Variants in ARID5B observed in about 807,000 individuals in gnomAD.
The protein encoded by ARID5B is AT-rich interaction domain 5B, also known as AT-rich interactive domain-containing protein 5B.
A neutral mutation model predicts 97.2 loss-of-function variants in ARID5B; 13 were observed. The ratio of observed to expected loss-of-function variants is 0.13; its 90% CI spans 0.09 to 0.21. ARID5B has a LOEUF of 0.21. Ranked by LOEUF, ARID5B falls within the 10% of genes least tolerant of loss-of-function variation. ARID5B has a pLI of 1.00. For missense variants in ARID5B, 1,210 were observed against 1,465.3 expected (o/e 0.83, Z 2.84); for synonymous variants, 556 against 570.3 (o/e 0.97, Z 0.36).
intron 6 of ARID5B, among the ~76,000 whole-genome samples, chr10:62,058,754 C>A (rs1342059109): frequency 6.6e-6 from 1 of 152,126 alleles, no homozygotes; most frequent in Non-Finnish European, 1.5e-5. Flanking sequence ...ACTGTATGAA[C>A]CTTTAATATA....
intron 4 of ARID5B, among the ~76,000 whole-genome samples, chr10:62,033,761 G>A (rs952865067): frequency 1.3e-5 from 2 of 152,152 alleles, no homozygotes; most frequent in East Asian, 3.9e-4. Flanking sequence ...AAGCCATGTT[G>A]TCTAATGTTA....
rs186687632 is a variant in ARID5B at position 61,932,108 on chromosome 10, T to G, written c.277-8075T>G. 7.9e-5 allele frequency among the ~76,000 whole-genome samples: 12 copies of G among 152,256 alleles called. No homozygotes were observed. In the East Asian group the frequency reaches 2.3e-3, roughly 29 times the overall value. The stretch of plus-strand genomic sequence containing the variant: ...TCAGACCACTGCAAGAAAATGAATA[T>G]CGCAATAAAGCTAGTCACATGACTG... On this transcript the variant is annotated intron_variant, in intron 2 of 9. Coordinates refer to ENST00000279873, the MANE Select transcript of ARID5B (RefSeq NM_032199.3).
At chr10:61,948,586 T>A (rs1838276104) in intron 3 of ARID5B, among the ~76,000 whole-genome samples, 1 of 152,112 alleles carries the variant, frequency 6.6e-6, no homozygotes, top group Admixed American at 6.6e-5. Context: ...CAGGATGGCC[T>A]CGATCTCCTG....
At chr10:61,926,143 T>C (rs10994966) in intron 2 of ARID5B, among the ~76,000 whole-genome samples, 8,215 of 152,272 alleles carry the variant, frequency 0.054, 332 homozygotes, top group East Asian at 0.16. Context: ...CAACAGAAAA[T>C]TCTTTACATT....
chr10:61,934,423 C>T (rs931755244), intron 2 of ARID5B, among the ~76,000 whole-genome samples: 2 of 152,212 alleles, frequency 1.3e-5, no homozygotes, highest in Non-Finnish European at 2.9e-5. Context: ...AGCTTTCAGC[C>T]TCTCTTGGGT....
intron 8 of ARID5B, among the ~76,000 whole-genome samples, chr10:62,078,846 T>C (rs935501508): frequency 2.0e-5 from 3 of 152,206 alleles, no homozygotes; most frequent in Admixed American, 2.0e-4. Context: ...GATTAAGTCC[T>C]AGAGGCTGGA....
At chr10:61,936,847 C>CAA (rs145150443) in intron 2 of ARID5B, among the ~76,000 whole-genome samples, 288 of 7,260 alleles carry the variant, frequency 0.04, 6 homozygotes, top group Non-Finnish European at 6.6e-3. Flanking sequence ...TTTTCTTCCC[C>CAA]AAAAAAAAAA....
intron 2 of ARID5B, among the ~76,000 whole-genome samples, chr10:61,912,017 TGA>T (rs1843813364): frequency 6.6e-6 from 1 of 152,192 alleles, no homozygotes; most frequent in South Asian, 2.1e-4. Context: ...TATTGAACAA[TGA>T]GAGAGTCTGG....
rs1839779638 is a variant in ARID5B at position 62,050,923 on chromosome 10, C to A, written c.769C>A (p.Pro257Thr). 1.2e-6 allele frequency: 2 copies of A among 1,614,162 alleles called. No homozygotes were observed. Among genetic ancestry groups the A allele is most frequent in the African/African-American group, 1.3e-5 (1 of 75,042 alleles). The change falls in exon 5 of 10, where the codon CCA becomes ACA. Residue 257 changes from proline (P) to threonine (T), a missense_variant. Around this residue, in one of 8 missense-constraint regions of ARID5B, gnomAD observed 132 missense variants for 156.7 expected, o/e 0.84. Coordinates refer to ENST00000279873, the MANE Select transcript of ARID5B (RefSeq NM_032199.3). Reference sequence around the variant, plus strand: ...TAAAGGCAGACCACGCAAAAAGAAACCATGCCCACAAAGAAGAGATTCATT... The same window carrying A: ...TAAAGGCAGACCACGCAAAAAGAAAACATGCCCACAAAGAAGAGATTCATT... ...NLKGRPRKKKPCPQRRDSFSG... is the reference protein window; with the variant it reads ...NLKGRPRKKKTCPQRRDSFSG...
intron 4 of ARID5B, among the ~76,000 whole-genome samples, chr10:62,031,700 G>T (rs1050921291): frequency 2.6e-5 from 4 of 152,148 alleles, no homozygotes; most frequent in African/African-American, 4.8e-5. Context: ...GGCAGTTGAA[G>T]CCTGTAAGAA....
intron 2 of ARID5B, among the ~76,000 whole-genome samples, chr10:61,939,209 TAAAAG>T (rs1171142191): frequency 2.0e-5 from 3 of 152,248 alleles, no homozygotes; most frequent in Middle Eastern, 3.4e-3. Context: ...AAATGTGAAA[TAAAAG>T]AAATGAAAGA....
intron 5 of ARID5B, 68 bp downstream of exon 5, chr10:62,051,068 C>G: frequency 7.6e-7 from 1 of 1,308,690 alleles, no homozygotes. Context: ...CTCTTTATCT[C>G]TCTGTGCCTG....
At chr10:62,088,653 G>A in intron 9 of ARID5B, among the ~76,000 whole-genome samples, 1 of 152,174 alleles carries the variant, frequency 6.6e-6, no homozygotes, top group East Asian at 1.9e-4. Context: ...CCTCTCCAAG[G>A]TTGACCTTAT....
intron 4 of ARID5B, among the ~76,000 whole-genome samples, chr10:62,050,602 ATTTT>A (rs1194691655): frequency 2.0e-5 from 3 of 152,194 alleles, no homozygotes; most frequent in African/African-American, 7.2e-5. Flanking sequence ...GTGGAAGGAC[ATTTT>A]TCTTATCATG....
intron 4 of ARID5B, among the ~76,000 whole-genome samples, chr10:62,015,254 T>C (rs570641986): frequency 6.6e-6 from 1 of 152,328 alleles, no homozygotes; most frequent in East Asian, 1.9e-4. Context: ...CTATGTTCAT[T>C]ATCTCCTCGA....
At chr10:61,999,021 A>T (rs1385246635) in intron 3 of ARID5B, among the ~76,000 whole-genome samples, 1 of 152,194 alleles carries the variant, frequency 6.6e-6, no homozygotes, top group Non-Finnish European at 1.5e-5. Context: ...GCAAAGACAA[A>T]GAGAGATTGT....
At chr10:62,087,071 C>T (rs1420591825) in intron 9 of ARID5B, among the ~76,000 whole-genome samples, 1 of 151,802 alleles carries the variant, frequency 6.6e-6, no homozygotes, top group Admixed American at 6.6e-5. Context: ...GAGGCCGAGG[C>T]GGTGGATCAC....
chr10:61,930,655 G>A (rs185146991), intron 2 of ARID5B, among the ~76,000 whole-genome samples: 301 of 152,008 alleles, frequency 2.0e-3, no homozygotes, highest in African/African-American at 6.8e-3. Context: ...GGGAGGCAGA[G>A]CTTGCAGTGA....
At chr10:61,942,295 A>T (rs1399452261) in intron 3 of ARID5B, among the ~76,000 whole-genome samples, 1 of 152,142 alleles carries the variant, frequency 6.6e-6, no homozygotes, top group African/African-American at 2.4e-5. Context: ...TTTGCAGTTG[A>T]TTCCAGAAGA....
Sources: allele counts gnomAD v4.1 joint callset (sites outside exome capture counted in the v4.1 genomes callset), GRCh38; gene constraint gnomAD v4.1.1; regional missense constraint gnomAD v4.1.1; transcripts MANE v1.5; gene names NCBI Gene and HGNC (gene_info 2026-07-23, HGNC 2026-07-21).